FAM91A1: variants seen among roughly 807,000 people sequenced by gnomAD.
FAM91A1 encodes the protein protein FAM91A1.
A neutral mutation model predicts 113.5 loss-of-function variants in FAM91A1; 41 were observed. That is an observed-to-expected ratio of 0.36 (90% CI 0.28 to 0.47). The LOEUF (loss-of-function observed/expected upper bound fraction) is 0.47. FAM91A1 is among the 20% of genes least tolerant of loss of function. FAM91A1 has a pLI of 1.00. For missense variants in FAM91A1, 696 were observed against 1,001.2 expected, an observed-to-expected ratio of 0.70 and a Z score of 4.11; for synonymous variants, 307 against 347.9, an observed-to-expected ratio of 0.88 and a Z score of 1.31.
intron 1 of FAM91A1, among the ~76,000 whole-genome samples, chr8:123,771,230 G>C (rs7846164): frequency 0.26 from 39,775 of 152,054 alleles, 6,425 homozygotes; most frequent in African/African-American, 0.45. Context: ...GGTGCATTTT[G>C]TGGTTACAAT....
intron 18 of FAM91A1, among the ~76,000 whole-genome samples, chr8:123,801,317 C>T (rs1469484828): frequency 1.3e-5 from 2 of 152,138 alleles, no homozygotes; most frequent in East Asian, 3.8e-4. Flanking sequence ...TATTTCCCAC[C>T]TATAAAATGG....
chr8:123,780,098 C>G (rs768644594), intron 7 of FAM91A1, 23 bp downstream of exon 7: 6 of 1,589,014 alleles, frequency 3.8e-6, no homozygotes, highest in Middle Eastern at 1.7e-4. Flanking sequence ...TAGAAATGGT[C>G]TTTTGTCAAC....
At chr8:123,792,210 T>G (rs1280782697) in intron 15 of FAM91A1, among the ~76,000 whole-genome samples, 1 of 152,194 alleles carries the variant, frequency 6.6e-6, no homozygotes, top group Non-Finnish European at 1.5e-5. Flanking sequence ...TATTGGTGTT[T>G]TAAGCGTCTT....
rs765054239 is a variant in FAM91A1, at chr8:123,810,344, C to T, written c.2324C>T (p.Ser775Leu). 1.1e-5 allele frequency: 17 copies of T among 1,613,348 alleles called. No individual in the cohort carries two copies. Among genetic ancestry groups the T allele is most frequent in the Non-Finnish European group, 1.4e-5 (17 of 1,179,668 alleles). The change falls in exon 23 of 24, where the codon TCA (serine) becomes TTA (leucine). Residue 775 changes from serine (S) to leucine (L), a missense_variant. Coordinates refer to ENST00000334705, the MANE Select transcript of FAM91A1 (RefSeq NM_144963.4). ...LSLQVLNFVH[S>L]FQEGASILDI... ...CTGCAAGTCCTTAACTTTGTTCACT[C>T]ATTCCAGGTAACAAAAACCAAAAAG...
chr8:123,800,081 A>T (rs1445677222), intron 18 of FAM91A1, among the ~76,000 whole-genome samples, 196 bp downstream of exon 18: 1 of 152,190 alleles, frequency 6.6e-6, no homozygotes, highest in Non-Finnish European at 1.5e-5. Flanking sequence ...CTTTGAAGTT[A>T]GACCCAGGTT....
intron 23 of FAM91A1, 135 bp downstream of exon 23, chr8:123,810,486 T>C (rs1586399073): frequency 1.1e-6 from 1 of 905,942 alleles, no homozygotes; most frequent in Non-Finnish European, 1.8e-6. Flanking sequence ...AATGAAGACA[T>C]TGAGATTCAA....
At position 123,809,053 on chromosome 8, in the gene FAM91A1, A is replaced by G. The variant is rs145532638; in HGVS notation, c.2261+37A>G. 1.9e-3 allele frequency: 3,008 copies of G among 1,601,270 alleles called. 3 individuals carry two copies. Among genetic ancestry groups the G allele is most frequent in the Middle Eastern group, 6.0e-3 (36 of 5,982 alleles). On this transcript the variant is annotated intron_variant, in intron 22 of 23. Coordinates refer to ENST00000334705, the MANE Select transcript of FAM91A1 (RefSeq NM_144963.4). ...TATTCGCTGTCATATTTTCATATCA[A>G]TTTTTAAGCTGTCAGCAAATAGTTA... is the stretch of plus-strand genomic sequence containing the variant.
intron 4 of FAM91A1, 115 bp downstream of exon 4, chr8:123,777,437 C>T (rs2130054819): frequency 1.1e-6 from 1 of 871,466 alleles, no homozygotes; most frequent in African/African-American, 1.7e-5. Context: ...AAAATGAGAA[C>T]AGTAAGCAAC....
intron 6 of FAM91A1, among the ~76,000 whole-genome samples, chr8:123,779,647 A>G (rs562298989): frequency 1.3e-5 from 2 of 152,318 alleles, no homozygotes; most frequent in Non-Finnish European, 2.9e-5. Flanking sequence ...GTTACTGACA[A>G]TATTCATGTA....
chr8:123,781,091 A>G (rs1487696939), intron 8 of FAM91A1, among the ~76,000 whole-genome samples: 1 of 152,176 alleles, frequency 6.6e-6, no homozygotes, highest in East Asian at 1.9e-4. Context: ...TTGCCACTAC[A>G]ATACTGATAT....
chr8:123,803,045 C>T (rs923248751), intron 18 of FAM91A1, among the ~76,000 whole-genome samples: 1 of 152,122 alleles, frequency 6.6e-6, no homozygotes, highest in Non-Finnish European at 1.5e-5. Context: ...CAGTGGCTCA[C>T]GCCTGTAATT....
At chr8:123,785,978 C>A in intron 11 of FAM91A1, 1 of 458,102 alleles carries the variant, frequency 2.2e-6, no homozygotes. Context: ...CCACCATGCC[C>A]AGCTAATTTT....
At chr8:123,769,137 T>G (rs914726753) in intron 1 of FAM91A1, among the ~76,000 whole-genome samples, 1 of 152,128 alleles carries the variant, frequency 6.6e-6, no homozygotes, top group Non-Finnish European at 1.5e-5. Context: ...CGATACAGGA[T>G]GATAGCAGCT....
At chr8:123,786,658 C>G (rs767095028) in intron 12 of FAM91A1, 48 bp downstream of exon 12, 2 of 1,288,452 alleles carry the variant, frequency 1.6e-6, no homozygotes, top group East Asian at 4.6e-5. Flanking sequence ...AGGTACGGCA[C>G]ATGTCCAAAC....
intron 8 of FAM91A1, 146 bp from the exon 9 acceptor site, chr8:123,784,324 A>C: frequency 1.9e-6 from 1 of 526,588 alleles, no homozygotes; most frequent in Non-Finnish European, 3.2e-6. Flanking sequence ...GAGTTTCAGA[A>C]AACTTGCTAT....
At chr8:123,780,391 A>G (rs1171946794) in intron 7 of FAM91A1, 89 bp from the exon 8 acceptor site, 3 of 989,842 alleles carry the variant, frequency 3.0e-6, no homozygotes, top group South Asian at 1.5e-5. Context: ...ATTTGTAAGA[A>G]TCTTTACAGA....
intron 18 of FAM91A1, among the ~76,000 whole-genome samples, chr8:123,803,710 C>T (rs1005461271): frequency 1.3e-5 from 2 of 152,080 alleles, no homozygotes; most frequent in African/African-American, 2.4e-5. Flanking sequence ...GGAATTTAAA[C>T]GTGTTACAAA....
intron 15 of FAM91A1, among the ~76,000 whole-genome samples, chr8:123,794,713 A>G (rs1210423288): frequency 6.6e-6 from 1 of 152,270 alleles, no homozygotes. Context: ...GATTTAGTGC[A>G]GTACCATAAA....
At chr8:123,807,897 A>G (rs1021691161) in intron 20 of FAM91A1, among the ~76,000 whole-genome samples, 9 of 152,220 alleles carry the variant, frequency 5.9e-5, no homozygotes, top group Non-Finnish European at 1.0e-4. Flanking sequence ...ATCAGACTAT[A>G]TATTTCCACA....
Sources: gnomAD v4.1 joint callset for allele counts (sites outside exome capture counted in the v4.1 genomes callset) on GRCh38, gnomAD v4.1.1 for gene constraint, MANE v1.5 for transcripts, NCBI Gene and HGNC (gene_info 2026-07-23, HGNC 2026-07-21) for gene names.